The following KIAA0513 variants were observed in gnomAD, a reference collection of about 807,000 sequenced individuals.
The protein encoded by KIAA0513 is uncharacterized protein KIAA0513.
In KIAA0513, 39 loss-of-function variants were observed where a neutral mutation model predicts 56.5. The observed-to-expected ratio is 0.69, with a 90% CI of 0.53 to 0.90. The LOEUF is 0.90. Among genes scored for constraint, KIAA0513 ranks in the 40% least tolerant of loss-of-function variants. KIAA0513 has a pLI of 0.00. For missense variants in KIAA0513, 591 were observed against 535.2 expected (o/e 1.10, Z -1.03); for synonymous variants, 268 against 215.6 (o/e 1.24, Z -2.13).
chr16:85,055,039 C>T (rs1000803500), intron 1 of KIAA0513, among the ~76,000 whole-genome samples: 2 of 152,168 alleles, frequency 1.3e-5, no homozygotes, highest in East Asian at 3.9e-4. Flanking sequence ...CCTCCCACCT[C>T]AGCCTCCCGA....
chr16:85,083,226 G>T (rs972079440), intron 10 of KIAA0513, among the ~76,000 whole-genome samples: 11 of 152,216 alleles, frequency 7.2e-5, no homozygotes, highest in Admixed American at 2.0e-4. Flanking sequence ...AGCCCACAGA[G>T]GGGTCTGACT....
chr16:85,071,885 A>G lies in KIAA0513; in HGVS notation c.429+3A>G, dbSNP rs2073581632. 1.3e-6 allele frequency: 2 copies of G among 1,583,880 alleles called. No homozygotes were observed. On this transcript the variant is annotated splice_donor_region_variant and intron_variant, in intron 3 of 12. Coordinates refer to ENST00000683363, the MANE Select transcript of KIAA0513 (RefSeq NM_001388359.1). ...TTGCTCGATACGTGAGTGCCCAGGTAAGGGCGAGGTGATGGGAAGGATGGG... is the reference window on the plus strand; with the variant it reads ...TTGCTCGATACGTGAGTGCCCAGGTGAGGGCGAGGTGATGGGAAGGATGGG...
chr16:85,033,562 G>A (rs1253025747), intron 1 of KIAA0513, among the ~76,000 whole-genome samples: 1 of 152,016 alleles, frequency 6.6e-6, no homozygotes, highest in African/African-American at 2.4e-5. Context: ...TGGAAGGGCT[G>A]TTCACGAAGG....
At chr16:85,074,696 T>A (rs1567541403) in intron 4 of KIAA0513, among the ~76,000 whole-genome samples, 1 of 152,208 alleles carries the variant, frequency 6.6e-6, no homozygotes. Flanking sequence ...TGAAAGAGGT[T>A]GAGTGAGCCC....
chr16:85,068,554 G>T (rs980859765), intron 2 of KIAA0513, among the ~76,000 whole-genome samples: 4 of 151,256 alleles, frequency 2.6e-5, no homozygotes, highest in African/African-American at 9.7e-5. Flanking sequence ...GGATGGTCTC[G>T]ATCTCCTGAC....
chr16:85,035,680 A>T (rs1447837298), intron 1 of KIAA0513, among the ~76,000 whole-genome samples: 1 of 151,954 alleles, frequency 6.6e-6, no homozygotes, highest in Non-Finnish European at 1.5e-5. Context: ...TTTTATTTCT[A>T]GTAGAAATGG....
chr16:85,058,129 A>G (rs1170765702), intron 1 of KIAA0513, among the ~76,000 whole-genome samples: 3 of 152,180 alleles, frequency 2.0e-5, no homozygotes, highest in African/African-American at 7.2e-5. Context: ...TCGGCACTTC[A>G]GGCCCTCTTC....
chr16:85,034,436 A>C (rs1421296207), intron 1 of KIAA0513, among the ~76,000 whole-genome samples: 1 of 152,188 alleles, frequency 6.6e-6, no homozygotes, highest in Non-Finnish European at 1.5e-5. Context: ...CAAGGAGTTT[A>C]TCTGGGGAAG....
chr16:85,061,518 C>T (rs1247257069), intron 1 of KIAA0513, among the ~76,000 whole-genome samples: 1 of 152,172 alleles, frequency 6.6e-6, no homozygotes, highest in Non-Finnish European at 1.5e-5. Flanking sequence ...AGGTTTTGCA[C>T]ACTCTGGGTG....
intron 1 of KIAA0513, among the ~76,000 whole-genome samples, chr16:85,055,117 T>C (rs908556914): frequency 2.0e-5 from 3 of 151,912 alleles, no homozygotes; most frequent in African/African-American, 7.3e-5. Context: ...AGAGACAGAG[T>C]CTCACTGTGT....
At chr16:85,077,335 G>C (rs905142653) in intron 5 of KIAA0513, 90 bp from the exon 6 acceptor site, 7 of 1,239,230 alleles carry the variant, frequency 5.6e-6, no homozygotes, top group Non-Finnish European at 6.9e-6. Flanking sequence ...CACTGCACAG[G>C]ACCCCTGCGG....
intron 1 of KIAA0513, among the ~76,000 whole-genome samples, chr16:85,041,643 C>T (rs796941745): frequency 9.2e-5 from 14 of 152,288 alleles, no homozygotes; most frequent in African/African-American, 3.4e-4. Flanking sequence ...TGCCTCCATC[C>T]GTAAGGAAAG....
At chr16:85,041,630 C>T (rs1026366615) in intron 1 of KIAA0513, among the ~76,000 whole-genome samples, 13 of 152,156 alleles carry the variant, frequency 8.5e-5, no homozygotes, top group African/African-American at 2.4e-4. Flanking sequence ...GCTACTCGGG[C>T]GCTGCCTCCA....
intron 1 of KIAA0513, among the ~76,000 whole-genome samples, chr16:85,029,170 C>G (rs781360587): frequency 4.6e-5 from 7 of 152,216 alleles, no homozygotes; most frequent in Non-Finnish European, 7.4e-5. Context: ...AAACACAGGA[C>G]GAAAGGCTAT....
chr16:85,083,844 A>G (rs1441932619), intron 10 of KIAA0513, among the ~76,000 whole-genome samples: 1 of 152,180 alleles, frequency 6.6e-6, no homozygotes, highest in Non-Finnish European at 1.5e-5. Context: ...CATGCTTCCA[A>G]CATGCCATCT....
intron 8 of KIAA0513, chr16:85,079,846 A>G (rs941697990): frequency 5.3e-5 from 8 of 152,272 alleles, no homozygotes; most frequent in Non-Finnish European, 1.2e-4. Context: ...TCATGGTTGA[A>G]GTGTGAGACC....
intron 4 of KIAA0513, among the ~76,000 whole-genome samples, chr16:85,073,287 G>T (rs113781112): frequency 7.2e-5 from 11 of 152,192 alleles, no homozygotes; most frequent in African/African-American, 2.7e-4. Flanking sequence ...ATGGTGCACT[G>T]TGGCCCTGCC....
intron 1 of KIAA0513, among the ~76,000 whole-genome samples, chr16:85,053,454 CATTCATATCTGA>C (rs2073283215): frequency 6.6e-6 from 1 of 152,164 alleles, no homozygotes; most frequent in Non-Finnish European, 1.5e-5. Flanking sequence ...ATGTTGTTTG[CATTCATATCTGA>C]ATAATTAATA....
Position 85,081,244 on chromosome 16 carries a change from T to G in KIAA0513, c.903-71T>G. ...GTGAGACACTGCCCTTGTTTATCCC[T>G]CAAGGGGCCCACAACCCGTGTCCTC... is the stretch of plus-strand genomic sequence containing the variant. On this transcript the variant is annotated intron_variant, in intron 8 of 12. Coordinates refer to ENST00000683363, the MANE Select transcript of KIAA0513 (RefSeq NM_001388359.1). The surrounding 1 kb of genome is among the most constrained non-coding windows in gnomAD (Gnocchi z 4.4). The G allele has an allele frequency of 1.4e-6, 2 of 1,398,150 alleles. No homozygotes were observed. Among genetic ancestry groups the G allele is most frequent in the Non-Finnish European group, 2.0e-6 (2 of 985,418 alleles). The allele number at this position is 1,398,150 out of a possible 1,614,324, so 86.6% of individuals were successfully genotyped here. A position where few individuals can be genotyped will look rare whatever the true frequency, so the allele number is the denominator to read the frequency against.
Sources: gnomAD v4.1 joint callset for allele counts (sites outside exome capture counted in the v4.1 genomes callset) on GRCh38, gnomAD v4.1.1 for gene constraint, Gnocchi (gnomAD v3.1) non-coding constraint, MANE v1.5 for transcripts, NCBI Gene and HGNC (gene_info 2026-07-23, HGNC 2026-07-21) for gene names.